Variants in KDR observed in about 807,000 individuals in gnomAD.
KDR encodes kinase insert domain receptor, also known as vascular endothelial growth factor receptor 2.
KDR carries 43 observed loss-of-function variants against 160.9 expected under a neutral mutation model. The observed-to-expected ratio is 0.27, with a 90% CI of 0.21 to 0.34. The LOEUF is 0.34. KDR is among the 10% of genes least tolerant of loss of function. The probability of loss-of-function intolerance (pLI) is 1.00; values close to 1 mark genes in which losing one functional copy is unlikely to be tolerated. For synonymous variants in KDR, 617 were observed against 600.1 expected (o/e 1.03, Z -0.41); for missense variants, 1,469 against 1,666.4 (o/e 0.88, Z 2.06).
chr4:55,114,021 C>T, intron 6 of KDR, 105 bp downstream of exon 6: 2 of 1,154,014 alleles, frequency 1.7e-6, no homozygotes, highest in Non-Finnish European at 1.3e-6. Context: ...GTGTTTAAGG[C>T]TCTTACATTT....
intron 6 of KDR, 69 bp downstream of exon 6, chr4:55,114,057 C>T: frequency 6.3e-7 from 1 of 1,579,376 alleles, no homozygotes; most frequent in South Asian, 1.1e-5. Context: ...GCCCCTATCT[C>T]TCAAGCAAAC....
chr4:55,110,957 CT>C (rs1720568543), intron 7 of KDR, among the ~76,000 whole-genome samples, 189 bp from the exon 8 acceptor site: 1 of 152,154 alleles, frequency 6.6e-6, no homozygotes. Context: ...CCCACACCTC[CT>C]GTGTTTGCAT....
chr4:55,113,877 AAT>A (rs1720660117), intron 6 of KDR, among the ~76,000 whole-genome samples: 2 of 152,218 alleles, frequency 1.3e-5, no homozygotes. Flanking sequence ...AGAGAAAACT[AAT>A]ATTCATAGCC....
At chr4:55,121,915 CT>C (rs11323777) in intron 1 of KDR, among the ~76,000 whole-genome samples, 49,526 of 151,962 alleles carry the variant, frequency 0.33, 8,634 homozygotes, top group African/African-American at 0.45. Flanking sequence ...TAGCATTACC[CT>C]TTTTTTAAAA....
At chr4:55,107,671 A>C in intron 10 of KDR, 66 bp downstream of exon 10, 2 of 1,603,636 alleles carry the variant, frequency 1.2e-6, no homozygotes, top group Non-Finnish European at 1.7e-6. Context: ...GGATGGAGTC[A>C]TATCATAGCT....
At chr4:55,094,656 A>G in intron 21 of KDR, 146 bp downstream of exon 21, 2 of 821,690 alleles carry the variant, frequency 2.4e-6, no homozygotes, top group Admixed American at 3.4e-5. Context: ...GACAGAATGG[A>G]GGCAGTCTAT....
intron 7 of KDR, among the ~76,000 whole-genome samples, chr4:55,113,060 T>C (rs538993995): frequency 1.6e-4 from 24 of 152,338 alleles, no homozygotes; most frequent in African/African-American, 5.3e-4. Flanking sequence ...GCAATAACTA[T>C]AATAAGTAAT....
At chr4:55,122,801 C>T (rs1720926300) in intron 1 of KDR, 1 of 152,028 alleles carries the variant, frequency 6.6e-6, no homozygotes, top group East Asian at 1.9e-4. Flanking sequence ...ATCCCTGGGT[C>T]TACAAATCTG....
At position 55,102,508 on chromosome 4, in the gene KDR, T is replaced by C. The variant is rs779058362; in HGVS notation, c.1988A>G (p.Glu663Gly). 6.2e-7 allele frequency: 1 copy of C among 1,613,686 alleles called. No homozygotes were observed. The highest frequency in any genetic ancestry group is 1.1e-5 in the South Asian group (1 of 91,074). The change falls in exon 14 of 30, where the codon GAG (glutamate) becomes GGG (glycine). Residue 663 changes from glutamate to glycine, a missense_variant and splice_region_variant. By Grantham distance (98) the Glu-to-Gly change is moderately conservative. This residue lies in a region of KDR where 792 missense variants were observed against 840.9 expected (regional missense o/e 0.94). Coordinates refer to ENST00000263923, the MANE Select transcript of KDR (RefSeq NM_002253.4). ...TCCTGTGATCGTGGGTGCCACACGC[T>C]CTAGACACACAAAAAGAAAATCACA... ...HCVVRQLTVL[E>G]RVAPTITGNL...
rs1720644241 is a variant in KDR, at chr4:55,113,376, G to T, written c.904C>A (p.Gln302Lys). ...GATGCTGCACAGGTGTACAATCCTT[G>T]GTCACTCCGGGTTACACCATCTATA... ...LTIDGVTRSD[Q>K]GLYTCAASSG... is the part of the protein sequence containing the mutation. Residue 302 changes from glutamine to lysine, a missense_variant, in exon 7 of 30, where the codon CAA (glutamine) becomes AAA (lysine). Physicochemically the swap from Gln to Lys is moderately conservative, Grantham distance 53 (BLOSUM62 1). Transcript: ENST00000263923. 1 of 1,613,824 alleles carries T rather than the reference G, an allele frequency of 6.2e-7. No individual in the cohort carries two copies. Among genetic ancestry groups the T allele is most frequent in the Non-Finnish European group, 8.5e-7 (1 of 1,179,944 alleles).
Position 55,102,797 on chromosome 4 carries a change from A to G in KDR, c.1988-289T>C, listed in dbSNP as rs542703897. Among the ~76,000 whole-genome samples, 16 of 152,296 alleles carry G rather than the reference A, an allele frequency of 1.1e-4. No individual in the cohort carries two copies. In the South Asian group the frequency reaches 3.1e-3, roughly 30 times the overall value. ...ATGGATTTTTCCTCTAATTAGACAC[A>G]GCCTCCCCAGGTGAAAACTTCCCTC... On this transcript the variant is annotated intron_variant, in intron 13 of 29. Coordinates refer to ENST00000263923, the MANE Select transcript of KDR (RefSeq NM_002253.4).
chr4:55,082,570 G>A lies in KDR; in HGVS notation c.3728C>T (p.Pro1243Leu), dbSNP rs150847930. Residue 1243 changes from proline (P) to leucine (L), a missense_variant, in exon 28 of 30, where the codon CCG (proline) becomes CTG (leucine). Pro to Leu is a moderately conservative substitution (Grantham distance 98, BLOSUM62 -3). This residue lies in a region of KDR where 229 missense variants were observed against 197.8 expected (regional missense o/e 1.16). Transcript: ENST00000263923. ...TACTTTTACTTCTGGTTCTTCTAAC[G>A]GGATATCTTCAAATGTTTTTACACT... ...PVSVKTFEDI[P>L]LEEPEVKVIP... 13 of 1,613,440 alleles carry A rather than the reference G, an allele frequency of 8.1e-6. No homozygotes were observed. Among genetic ancestry groups the A allele is most frequent in the Admixed American group, 3.3e-5 (2 of 59,978 alleles).
rs1323696044 is a variant in KDR at position 55,098,733 on chromosome 4, C to CCAGAAG, written c.2331_2336dup (p.Phe778_Trp779insCysPhe). 2 of 1,613,324 alleles carry CCAGAAG rather than the reference C, an allele frequency of 1.2e-6. No homozygotes were observed. The highest frequency in any genetic ancestry group is 1.7e-6 in the Non-Finnish European group (2 of 1,179,450). Reference sequence around the variant, plus strand: ...TCCGTAGGATGATGACAAGAAGTAGCCAGAAGAACATGGCAATCACCGCCG... The same window carrying CCAGAAG: ...TCCGTAGGATGATGACAAGAAGTAGCCAGAAGCAGAAGAACATGGCAATCACCGCCG... On this transcript the variant is annotated inframe_insertion, in exon 16 of 30. Transcript: ENST00000263923.
chr4:55,120,485 T>A (rs905509067), intron 2 of KDR, among the ~76,000 whole-genome samples: 1 of 152,180 alleles, frequency 6.6e-6, no homozygotes, highest in East Asian at 1.9e-4. Context: ...ATCAATAGCA[T>A]GACTTCTTGC....
chr4:55,092,946 A>T (rs1720055963), intron 21 of KDR, among the ~76,000 whole-genome samples: 1 of 152,252 alleles, frequency 6.6e-6, no homozygotes, highest in South Asian at 2.1e-4. Context: ...AAATTGAACC[A>T]GTAAATCCAG....
intron 27 of KDR, among the ~76,000 whole-genome samples, chr4:55,083,818 G>C (rs540779287): frequency 2.0e-5 from 3 of 152,336 alleles, no homozygotes; most frequent in South Asian, 4.1e-4. Context: ...AGAGAGAGGA[G>C]AGAATGAGAT....
At position 55,081,110 on chromosome 4, in the gene KDR, T is replaced by C. The variant is rs1303378993; in HGVS notation, c.3848+846A>G. Among the ~76,000 whole-genome samples the C allele has an allele frequency of 2.0e-5, 3 of 152,246 alleles. No homozygotes were observed. In the East Asian group the frequency reaches 5.8e-4, roughly 29 times the overall value. On this transcript the variant is annotated intron_variant, in intron 29 of 29. Coordinates refer to ENST00000263923, the MANE Select transcript of KDR (RefSeq NM_002253.4). ...TGAATCAATGAATGAAACATATCAT[T>C]GACTTTCACAATTTCTTACCTTGGG...
In KDR at chr4:55,080,163, A is replaced by G; in HGVS notation, c.3849T>C (p.Gly1283=). 1 of 1,612,746 alleles carries G rather than the reference A, an allele frequency of 6.2e-7. No individual in the cohort carries two copies. Among genetic ancestry groups the G allele is most frequent in the Non-Finnish European group, 8.5e-7 (1 of 1,179,768 alleles). Residue 1283 remains glycine, a splice_region_variant and synonymous_variant, in exon 30 of 30, where the codon GGT becomes GGC. Coordinates refer to ENST00000263923, the MANE Select transcript of KDR (RefSeq NM_002253.4). ...EDRTKLSPSF[G]GMVPSKSRES... ...CCCTGCTTTTGCTGGGCACCATTCC[A>G]CTGCAGAAGAAATGGCAAACAAAGG...
Position 55,118,640 on chromosome 4 carries a change from T to C in KDR, c.322A>G (p.Thr108Ala). 6.2e-7 allele frequency: 1 copy of C among 1,614,156 alleles called. No homozygotes were observed. The stretch of plus-strand genomic sequence containing the variant: ...ACATAAATGACCGAGGCCAAGTCAG[T>C]TTCCCGGTAGAAGCACTTGTAGGCT... ...TGAYKCFYRE[T>A]DLASVIYVYV... The change falls in exon 3 of 30, where the codon ACT (threonine) becomes GCT (alanine). Residue 108 changes from threonine (T) to alanine (A), a missense_variant. Transcript: ENST00000263923.
Sources: allele counts gnomAD v4.1 joint callset (sites outside exome capture counted in the v4.1 genomes callset), GRCh38; gene constraint gnomAD v4.1.1; regional missense constraint gnomAD v4.1.1; transcripts MANE v1.5; gene names NCBI Gene and HGNC (gene_info 2026-07-23, HGNC 2026-07-21).